Variants in MACROD2 observed in about 807,000 individuals in gnomAD.
The protein encoded by MACROD2 is ADP-ribose glycohydrolase MACROD2.
In MACROD2, 36 loss-of-function variants were observed where a neutral mutation model predicts 70.4. That is an observed-to-expected ratio of 0.51 (90% CI 0.39 to 0.68). MACROD2 has a LOEUF of 0.68. Among genes scored for constraint, MACROD2 ranks in the 30% least tolerant of loss-of-function variants. The probability of loss-of-function intolerance (pLI) is 0.00; values close to 1 mark genes in which losing one functional copy is unlikely to be tolerated. For missense variants in MACROD2, 496 were observed against 538.4 expected (o/e 0.92, Z 0.78); for synonymous variants, 172 against 178.8 (o/e 0.96, Z 0.30).
intron 5 of MACROD2, among the ~76,000 whole-genome samples, chr20:14,788,763 GTTTTTTTTTTTT>G (rs1195877119): frequency 2.5e-5 from 2 of 79,476 alleles, no homozygotes; most frequent in East Asian, 3.7e-4. Context: ...TAGTGGTGGT[GTTTTTTTTTTTT>G]TTTTTTTTTT....
chr20:15,792,059 A>G (rs909614138), intron 8 of MACROD2, among the ~76,000 whole-genome samples: 3 of 152,126 alleles, frequency 2.0e-5, no homozygotes, highest in African/African-American at 7.2e-5. Context: ...GCTTGACACT[A>G]GAGAACCAAT....
intron 3 of MACROD2, among the ~76,000 whole-genome samples, chr20:14,378,037 A>G (rs2083388544): frequency 6.6e-6 from 1 of 152,192 alleles, no homozygotes; most frequent in South Asian, 2.1e-4. Flanking sequence ...TTTACATAGC[A>G]TATATAGTAG....
intron 2 of MACROD2, among the ~76,000 whole-genome samples, chr20:14,003,093 GACAA>G (rs1409136035): frequency 6.6e-6 from 1 of 152,186 alleles, no homozygotes; most frequent in Non-Finnish European, 1.5e-5. Flanking sequence ...GTGAAGTTTA[GACAA>G]ACGGTGCTTC....
At chr20:15,569,525 A>G (rs914748341) in intron 8 of MACROD2, among the ~76,000 whole-genome samples, 5 of 152,108 alleles carry the variant, frequency 3.3e-5, no homozygotes, top group African/African-American at 1.2e-4. Context: ...GTATTCTTTG[A>G]TCACCCCTCT....
chr20:15,311,334 T>C (rs1159232675), intron 6 of MACROD2, among the ~76,000 whole-genome samples: 1 of 151,778 alleles, frequency 6.6e-6, no homozygotes, highest in Non-Finnish European at 1.5e-5. Context: ...AACAGGAAAA[T>C]AGTTAAGTAA....
At chr20:15,275,486 C>T (rs557986793) in intron 6 of MACROD2, among the ~76,000 whole-genome samples, 73 of 152,240 alleles carry the variant, frequency 4.8e-4, no homozygotes, top group African/African-American at 1.7e-3. Context: ...GCTGTGCACC[C>T]GGTAAACATA....
chr20:14,658,176 A>G (rs190834903), intron 4 of MACROD2, among the ~76,000 whole-genome samples: 159 of 152,260 alleles, frequency 1.0e-3, no homozygotes, highest in Non-Finnish European at 1.7e-3. Flanking sequence ...GCTTATTTAA[A>G]ATTAGTTGTT....
chr20:14,262,423 T>G (rs2082108393), intron 3 of MACROD2, among the ~76,000 whole-genome samples: 1 of 152,214 alleles, frequency 6.6e-6, no homozygotes, highest in African/African-American at 2.4e-5. Flanking sequence ...GGAGAAAAGA[T>G]AATTACTGTT....
intron 8 of MACROD2, among the ~76,000 whole-genome samples, chr20:15,674,559 C>G (rs192445179): frequency 6.6e-6 from 1 of 152,090 alleles, no homozygotes; most frequent in Non-Finnish European, 1.5e-5. Context: ...GTCCCCATAA[C>G]TCAAGGCATA....
intron 3 of MACROD2, among the ~76,000 whole-genome samples, chr20:14,476,216 A>T (rs982245304): frequency 7.2e-5 from 11 of 152,206 alleles, no homozygotes; most frequent in African/African-American, 2.7e-4. Context: ...GAAAAGAAAC[A>T]TATCACTGTT....
intron 12 of MACROD2, among the ~76,000 whole-genome samples, chr20:15,942,928 C>G (rs2065770475): frequency 6.6e-6 from 1 of 152,144 alleles, no homozygotes; most frequent in Non-Finnish European, 1.5e-5. Flanking sequence ...ATATTAAAAA[C>G]AAAATCAATT....
intron 6 of MACROD2, among the ~76,000 whole-genome samples, chr20:15,234,392 G>T (rs1384832577): frequency 6.6e-6 from 1 of 151,754 alleles, no homozygotes; most frequent in African/African-American, 2.4e-5. Flanking sequence ...AAAATTTAAG[G>T]CACCATGAAG....
At chr20:14,216,087 A>G (rs967770794) in intron 3 of MACROD2, among the ~76,000 whole-genome samples, 5 of 151,938 alleles carry the variant, frequency 3.3e-5, no homozygotes, top group African/African-American at 9.7e-5. Flanking sequence ...TCGTAAGCCA[A>G]TGTCTAGACA....
rs201935815 is a variant in MACROD2 at position 14,925,436 on chromosome 20, A to C, written c.418+240477A>C. On this transcript the variant is annotated intron_variant, in intron 5 of 17. Transcript: ENST00000684519. ...TATTTTGTAATGAGAAGTCCAGAGAATTTTCTGAAGGCATGACTTAATCAT... is the reference window on the plus strand; with the variant it reads ...TATTTTGTAATGAGAAGTCCAGAGACTTTTCTGAAGGCATGACTTAATCAT... Among the ~76,000 whole-genome samples the C allele has an allele frequency of 9.9e-5, 15 of 152,248 alleles. 1 individual carries two copies. The East Asian group carries it at 2.9e-3, about 29-fold the overall frequency.
intron 5 of MACROD2, among the ~76,000 whole-genome samples, chr20:14,973,091 G>T (rs999738975): frequency 6.6e-6 from 1 of 152,096 alleles, no homozygotes; most frequent in African/African-American, 2.4e-5. Context: ...ATGAGGCTGA[G>T]AAATTTATCA....
intron 8 of MACROD2, among the ~76,000 whole-genome samples, chr20:15,830,861 G>C (rs1403850605): frequency 6.6e-6 from 1 of 152,178 alleles, no homozygotes; most frequent in South Asian, 2.1e-4. Context: ...ATGTGTTATA[G>C]ATATGTAGGC....
intron 5 of MACROD2, among the ~76,000 whole-genome samples, chr20:15,020,888 C>T (rs1314546538): frequency 4.0e-5 from 6 of 151,216 alleles, no homozygotes; most frequent in Non-Finnish European, 8.9e-5. Context: ...CTCTATCTGA[C>T]ACTCTGGAAA....
Position 14,071,267 on chromosome 20 carries a change from T to G in MACROD2, c.164-14354T>G, listed in dbSNP as rs960306528. On this transcript the variant is annotated intron_variant, in intron 2 of 17. Coordinates refer to ENST00000684519, the MANE Select transcript of MACROD2 (RefSeq NM_001351661.2). ...TTCATCTTGTGTTTTTTTTTTTTTT[T>G]TTTTTTTTTTTGAGATGGAGTCTTG... Among the ~76,000 whole-genome samples the G allele has an allele frequency of 7.5e-5, 10 of 132,848 alleles. 1 individual carries two copies. The highest frequency in any genetic ancestry group is 6.8e-4 in the Admixed American group (9 of 13,176). 87.2% of individuals were successfully genotyped at this position (132,848 alleles called of 152,430 possible). A position where few individuals can be genotyped will look rare whatever the true frequency, so the allele number is the denominator to read the frequency against.
chr20:15,254,093 C>T (rs1370559853), intron 6 of MACROD2, among the ~76,000 whole-genome samples: 1 of 152,108 alleles, frequency 6.6e-6, no homozygotes, highest in Admixed American at 6.6e-5. Flanking sequence ...GGGACACTTA[C>T]TTTAAAATGT....
Sources: gnomAD v4.1 joint callset for allele counts (sites outside exome capture counted in the v4.1 genomes callset) on GRCh38, gnomAD v4.1.1 for gene constraint, MANE v1.5 for transcripts, NCBI Gene and HGNC (gene_info 2026-07-23, HGNC 2026-07-21) for gene names.